Variants in ATG7 observed in about 807,000 individuals in gnomAD.
The protein encoded by ATG7 is ubiquitin-like modifier-activating enzyme ATG7.
A neutral mutation model predicts 82.4 loss-of-function variants in ATG7; 70 were observed. The ratio of observed to expected loss-of-function variants is 0.85; its 90% confidence interval spans 0.70 to 1.04. The LOEUF is 1.04. ATG7 is among the 50% of genes least tolerant of loss of function. ATG7 has a pLI of 0.00. For missense variants in ATG7, 792 were observed against 864.3 expected (o/e 0.92, Z 1.05); for synonymous variants, 287 against 313.0 (o/e 0.92, Z 0.88).
intron 20 of ATG7, among the ~76,000 whole-genome samples, chr3:11,511,002 T>C (rs2092023416): frequency 6.6e-6 from 1 of 152,056 alleles, no homozygotes; most frequent in Admixed American, 6.5e-5. Flanking sequence ...TCAGATGTGT[T>C]CGGAGTTTCT....
intron 14 of ATG7, among the ~76,000 whole-genome samples, chr3:11,352,958 T>C (rs896277705): frequency 6.6e-6 from 1 of 152,194 alleles, no homozygotes; most frequent in African/African-American, 2.4e-5. Flanking sequence ...AAGAACTGTG[T>C]TAAATGCAGA....
chr3:11,462,611 T>G (rs1251733515), intron 20 of ATG7, among the ~76,000 whole-genome samples: 1 of 151,990 alleles, frequency 6.6e-6, no homozygotes, highest in Non-Finnish European at 1.5e-5. Context: ...GCAGAGGAAT[T>G]TTGCCTCTTC....
intron 20 of ATG7, among the ~76,000 whole-genome samples, chr3:11,543,939 A>C (rs955920377): frequency 6.6e-6 from 1 of 152,124 alleles, no homozygotes; most frequent in Admixed American, 6.5e-5. Flanking sequence ...GGCAGCAGAC[A>C]TCAAGGGCAC....
the ATG7 span, chr3:11,565,062 G>A: frequency 1.4e-6 from 2 of 1,452,460 alleles, no homozygotes; most frequent in Non-Finnish European, 1.8e-6. This position sits in a 1 kb window ranked among gnomAD's most constrained non-coding sequence, Gnocchi z 4.1. Context: ...TTTCTCAAAG[G>A]CAAAGGGGAC....
chr3:11,425,400 C>T (rs1041891220), intron 19 of ATG7, among the ~76,000 whole-genome samples: 6 of 152,174 alleles, frequency 3.9e-5, no homozygotes, highest in African/African-American at 1.4e-4. Flanking sequence ...GAAAAAAAAT[C>T]TATTTCTTGT....
At chr3:11,509,513 G>A (rs2091934793) in intron 20 of ATG7, among the ~76,000 whole-genome samples, 1 of 152,038 alleles carries the variant, frequency 6.6e-6, no homozygotes, top group African/African-American at 2.4e-5. Flanking sequence ...CATGTTTGCT[G>A]ACAAATTGTT....
At chr3:11,285,313 A>G (rs1943809837) in intron 3 of ATG7, among the ~76,000 whole-genome samples, 1 of 151,190 alleles carries the variant, frequency 6.6e-6, no homozygotes, top group South Asian at 2.1e-4. Flanking sequence ...CAGCCTCCCA[A>G]GTAGCTGGGA....
intron 19 of ATG7, among the ~76,000 whole-genome samples, chr3:11,397,446 A>G (rs1428842031): frequency 6.6e-6 from 1 of 151,826 alleles, no homozygotes; most frequent in African/African-American, 2.4e-5. Context: ...ATTTACAAGA[A>G]CTACCAGAAA....
intron 3 of ATG7, chr3:11,290,802 AGCC>A (rs1944862641): frequency 1.8e-5 from 3 of 163,954 alleles, no homozygotes; most frequent in Non-Finnish European, 2.7e-5. Context: ...CTCCTGCCTC[AGCC>A]TCCTGAGTAG....
At chr3:11,564,668 C>T in the ATG7 span, 2 of 1,141,914 alleles carry the variant, frequency 1.8e-6, no homozygotes, top group Admixed American at 2.4e-5. Flanking sequence ...TGGCATCCCT[C>T]ACCACCTCCC....
intron 19 of ATG7, among the ~76,000 whole-genome samples, chr3:11,384,490 C>A (rs2078162633): frequency 6.6e-6 from 1 of 152,156 alleles, no homozygotes; most frequent in Non-Finnish European, 1.5e-5. Flanking sequence ...TATTAGCTTT[C>A]TGTGTGTATC....
At chr3:11,290,538 T>G (rs1033229374) in intron 3 of ATG7, 1 of 372,696 alleles carries the variant, frequency 2.7e-6, no homozygotes, top group African/African-American at 2.2e-5. Flanking sequence ...CTTCCTCTTC[T>G]CCTCCAGGTA....
chr3:11,431,408 A>AACAC, intron 20 of ATG7, among the ~76,000 whole-genome samples: 1 of 152,278 alleles, frequency 6.6e-6, no homozygotes, highest in East Asian at 1.9e-4. Flanking sequence ...AACCACACAC[A>AACAC]ACACACACAC....
intron 20 of ATG7, chr3:11,488,622 G>A (rs529872252): frequency 3.4e-4 from 129 of 381,890 alleles, no homozygotes; most frequent in African/African-American, 2.6e-3. Context: ...GCGGGCCTTC[G>A]AGCCTTCTGG....
At chr3:11,542,778 T>C (rs904242481) in intron 20 of ATG7, among the ~76,000 whole-genome samples, 3 of 152,198 alleles carry the variant, frequency 2.0e-5, no homozygotes, top group African/African-American at 7.2e-5. Context: ...CTGGGCTCTG[T>C]TCTTGGGAGT....
At chr3:11,523,102 T>G (rs116092264) in intron 20 of ATG7, among the ~76,000 whole-genome samples, 127 of 152,310 alleles carry the variant, frequency 8.3e-4, no homozygotes, top group African/African-American at 2.9e-3. Context: ...AAATGCTTCC[T>G]TGGGTGTTTG....
intron 20 of ATG7, among the ~76,000 whole-genome samples, chr3:11,532,234 C>T (rs770362974): frequency 1.3e-5 from 2 of 152,218 alleles, no homozygotes; most frequent in South Asian, 4.2e-4. Flanking sequence ...CAATGCACCA[C>T]ATGAGATGCT....
intron 5 of ATG7, among the ~76,000 whole-genome samples, chr3:11,306,717 C>G (rs937585818): frequency 3.3e-5 from 5 of 152,158 alleles, no homozygotes; most frequent in African/African-American, 1.2e-4. Context: ...GAACAGCATC[C>G]TGATAGGTTA....
intron 20 of ATG7, among the ~76,000 whole-genome samples, chr3:11,441,670 AT>A (rs35365064): frequency 0.23 from 25,789 of 109,932 alleles, 2,150 homozygotes; most frequent in South Asian, 0.36. Context: ...TTTTTTTTTA[AT>A]TTTTTTTTTT....
Sources: gnomAD v4.1 joint callset for allele counts (sites outside exome capture counted in the v4.1 genomes callset) on GRCh38, gnomAD v4.1.1 for gene constraint, Gnocchi (gnomAD v3.1) non-coding constraint, MANE v1.5 for transcripts, NCBI Gene and HGNC (gene_info 2026-07-23, HGNC 2026-07-21) for gene names.